CMSS1: variants seen among roughly 807,000 people sequenced by gnomAD.
The protein encoded by CMSS1 is protein CMSS1.
CMSS1 carries 33 observed loss-of-function variants against 43.5 expected under a neutral mutation model. The observed-to-expected ratio is 0.76, with a 90% CI of 0.57 to 1.01. The LOEUF is 1.01. Among genes scored for constraint, CMSS1 ranks in the 50% least tolerant of loss-of-function variants. The pLI, the probability that CMSS1 is intolerant of heterozygous loss-of-function variation, is 0.00. For synonymous variants in CMSS1, 115 were observed against 117.2 expected (o/e 0.98, Z 0.12); for missense variants, 313 against 326.4 (o/e 0.96, Z 0.32).
intron 2 of CMSS1, among the ~76,000 whole-genome samples, chr3:100,157,150 C>G (rs761929583): frequency 6.6e-6 from 1 of 152,056 alleles, no homozygotes. Flanking sequence ...CCACTTTTTT[C>G]TTTTCATTTT....
chr3:100,072,721 G>A (rs1308288527), intron 1 of CMSS1, among the ~76,000 whole-genome samples: 1 of 152,222 alleles, frequency 6.6e-6, no homozygotes, highest in African/African-American at 2.4e-5. Context: ...GGACAGAGGT[G>A]ATGAGGACTT....
At chr3:99,840,411 A>G (rs977199122) in intron 1 of CMSS1, among the ~76,000 whole-genome samples, 6 of 151,680 alleles carry the variant, frequency 4.0e-5, no homozygotes, top group African/African-American at 1.5e-4. Flanking sequence ...TTTAGTAGAG[A>G]TGGGATTTCA....
At chr3:99,885,755 G>C (rs980171000) in intron 1 of CMSS1, among the ~76,000 whole-genome samples, 6 of 151,954 alleles carry the variant, frequency 3.9e-5, no homozygotes, top group African/African-American at 1.4e-4. Flanking sequence ...CCTCCTCTCT[G>C]CCCAAAAGAC....
At chr3:99,876,128 C>A (rs1705504035) in intron 1 of CMSS1, 2 of 986,184 alleles carry the variant, frequency 2.0e-6, no homozygotes, top group Admixed American at 1.2e-4. Flanking sequence ...TGTAGTGCCG[C>A]GCTGCGAGCC....
chr3:99,883,301 G>A (rs1475672919), intron 1 of CMSS1, among the ~76,000 whole-genome samples: 1 of 152,074 alleles, frequency 6.6e-6, no homozygotes, highest in Non-Finnish European at 1.5e-5. Flanking sequence ...ATCTTTCCAT[G>A]ACACCATGTT....
chr3:99,873,935 T>C (rs1213998007), intron 1 of CMSS1, among the ~76,000 whole-genome samples: 4 of 152,190 alleles, frequency 2.6e-5, no homozygotes. Flanking sequence ...GTGTAGAAAT[T>C]CACATTCATT....
chr3:100,012,779 T>TTTGGGGGGGG (rs1710197030), intron 1 of CMSS1, among the ~76,000 whole-genome samples: 2 of 134,766 alleles, frequency 1.5e-5, no homozygotes, highest in Non-Finnish European at 3.2e-5. Context: ...TTTTTTTTTT[T>TTTGGGGGGGG]GGGTTGGGGG....
intron 1 of CMSS1, chr3:100,114,957 A>C: frequency 6.5e-7 from 1 of 1,535,852 alleles, no homozygotes; most frequent in Non-Finnish European, 8.7e-7. Flanking sequence ...CACGAGGGCA[A>C]AGTGCTGAGG....
In CMSS1 at chr3:100,081,682, TA is replaced by T. The variant is rs1205435466; in HGVS notation, c.65-65287del. 7.2e-5 allele frequency among the ~76,000 whole-genome samples: 11 copies of T among 152,344 alleles called. No homozygotes were observed. The South Asian group carries it at 2.1e-3, about 29-fold the overall frequency. ...AAAAGTTCTCTAAGAAGGGATTTTT[TA>T]AAATATATCCATCAATACAGGTAAA... On this transcript the variant is annotated intron_variant, in intron 1 of 9. Coordinates refer to ENST00000421999, the MANE Select transcript of CMSS1 (RefSeq NM_032359.4).
intron 1 of CMSS1, among the ~76,000 whole-genome samples, chr3:100,006,666 A>G (rs1256273192): frequency 6.6e-6 from 1 of 152,124 alleles, no homozygotes; most frequent in Non-Finnish European, 1.5e-5. Context: ...AAAAAAAAAA[A>G]AAAATTCCAG....
chr3:100,152,008 G>A (rs2066914212), intron 2 of CMSS1, among the ~76,000 whole-genome samples: 1 of 152,152 alleles, frequency 6.6e-6, no homozygotes, highest in Non-Finnish European at 1.5e-5. Flanking sequence ...GACAAGTGTA[G>A]TATAACCTTT....
At chr3:99,940,982 AT>A (rs770295724) in intron 1 of CMSS1, among the ~76,000 whole-genome samples, 11 of 152,224 alleles carry the variant, frequency 7.2e-5, no homozygotes, top group African/African-American at 9.7e-5. Flanking sequence ...CTTCTAAGCC[AT>A]TTGGCTCCCC....
chr3:100,116,435 T>C (rs888539869), intron 1 of CMSS1, among the ~76,000 whole-genome samples: 3 of 152,174 alleles, frequency 2.0e-5, no homozygotes, highest in African/African-American at 7.2e-5. Context: ...GAGTACTTTC[T>C]TACCTTCTGG....
intron 1 of CMSS1, among the ~76,000 whole-genome samples, chr3:100,072,965 T>C (rs1472201424): frequency 6.6e-6 from 1 of 152,232 alleles, no homozygotes; most frequent in Non-Finnish European, 1.5e-5. Flanking sequence ...TGATAGCATA[T>C]GTTTGAAGAG....
intron 1 of CMSS1, chr3:100,041,285 C>T (rs1024963063): frequency 6.6e-6 from 1 of 152,118 alleles, no homozygotes; most frequent in African/African-American, 2.4e-5. Context: ...GGTTTGTAAT[C>T]TCTTTAGAAA....
At chr3:100,029,263 T>C (rs2064982434) in intron 1 of CMSS1, among the ~76,000 whole-genome samples, 1 of 151,866 alleles carries the variant, frequency 6.6e-6, no homozygotes, top group Non-Finnish European at 1.5e-5. Flanking sequence ...AAAATTAATT[T>C]TAAAATATAT....
At chr3:100,005,018 G>A (rs985276900) in intron 1 of CMSS1, among the ~76,000 whole-genome samples, 5 of 152,182 alleles carry the variant, frequency 3.3e-5, no homozygotes, top group African/African-American at 1.2e-4. Context: ...CTACAAGGCT[G>A]TCATCATGCT....
chr3:100,071,113 G>A (rs1292027061), intron 1 of CMSS1, among the ~76,000 whole-genome samples: 1 of 18,902 alleles, frequency 5.3e-5, no homozygotes, highest in Non-Finnish European at 9.4e-5. Context: ...TTTTTTTTTG[G>A]ATGGATTAGC....
rs199608949 is a variant in CMSS1 at position 100,038,430 on chromosome 3, A to AT, written c.65-108536dup. 3.1e-3 allele frequency among the ~76,000 whole-genome samples: 475 copies of AT among 152,150 alleles called. 3 individuals are homozygous for AT. The highest frequency in any genetic ancestry group is 0.025 in the East Asian group (132 of 5,182). On this transcript the variant is annotated intron_variant, in intron 1 of 9. Transcript: ENST00000421999. ...TAGCCAAATTATTTCTTTTTTCACC[A>AT]TTTTTTTGCTTATAGAGAATTCGAG...
Sources: allele counts gnomAD v4.1 joint callset (sites outside exome capture counted in the v4.1 genomes callset), GRCh38; gene constraint gnomAD v4.1.1; transcripts MANE v1.5; gene names NCBI Gene and HGNC (gene_info 2026-07-23, HGNC 2026-07-21).